The following CSNK1A1 variants were observed in gnomAD, a reference collection of about 807,000 sequenced individuals.
CSNK1A1 encodes the protein casein kinase 1 alpha 1.
In CSNK1A1, 7 loss-of-function variants were observed where a neutral mutation model predicts 46.1. The ratio of observed to expected loss-of-function variants is 0.15; its 90% CI spans 0.09 to 0.29. The LOEUF (loss-of-function observed/expected upper bound fraction) is 0.29, where lower values mean the gene tolerates loss of function less well. CSNK1A1 is among the 10% of genes least tolerant of loss of function. The probability of loss-of-function intolerance (pLI) is 1.00; values close to 1 mark genes in which losing one functional copy is unlikely to be tolerated. For synonymous variants in CSNK1A1, 137 were observed against 141.5 expected, an observed-to-expected ratio of 0.97 and a Z score of 0.23; for missense variants, 96 against 417.1, an observed-to-expected ratio of 0.23 and a Z score of 6.71.
intron 2 of CSNK1A1, among the ~76,000 whole-genome samples, chr5:149,542,147 A>C (rs527402698): frequency 1.3e-5 from 2 of 152,016 alleles, no homozygotes; most frequent in Admixed American, 6.6e-5. Flanking sequence ...CTGTCAGATC[A>C]ACAGAATTAG....
At chr5:149,512,116 A>C (rs889084696) in intron 5 of CSNK1A1, among the ~76,000 whole-genome samples, 1 of 152,118 alleles carries the variant, frequency 6.6e-6, no homozygotes, top group Non-Finnish European at 1.5e-5. Flanking sequence ...TTTTAAAAGA[A>C]CAGAAACGAT....
chr5:149,534,755 C>A (rs1211299495), intron 2 of CSNK1A1, among the ~76,000 whole-genome samples: 1 of 151,166 alleles, frequency 6.6e-6, no homozygotes. Flanking sequence ...CAACAAAGAC[C>A]CCGGTCTCTC....
chr5:149,542,692 A>ATATAT (rs1762340035), intron 2 of CSNK1A1, among the ~76,000 whole-genome samples: 1 of 16,188 alleles, frequency 6.2e-5, no homozygotes, highest in Admixed American at 1.3e-3. Flanking sequence ...ATATATATAT[A>ATATAT]TTTTTTTTTT....
intron 2 of CSNK1A1, among the ~76,000 whole-genome samples, chr5:149,527,316 C>T (rs543311370): frequency 2.6e-5 from 4 of 152,002 alleles, no homozygotes; most frequent in African/African-American, 7.2e-5. Context: ...TTAGTAGTGA[C>T]GGCGTTTCAC....
At chr5:149,497,029 A>C (rs1760674471) in intron 9 of CSNK1A1, 169 bp from the exon 10 acceptor site, 4 of 1,426,982 alleles carry the variant, frequency 2.8e-6, no homozygotes, top group Non-Finnish European at 2.7e-6. Context: ...AAAAACATGA[A>C]TCTATACTTA....
intron 2 of CSNK1A1, among the ~76,000 whole-genome samples, chr5:149,529,879 C>A (rs1313565241): frequency 1.3e-5 from 2 of 151,710 alleles, no homozygotes; most frequent in African/African-American, 4.9e-5. Flanking sequence ...ATACTATAGC[C>A]GGAGATTTCA....
At chr5:149,534,567 G>T (rs1346279185) in intron 2 of CSNK1A1, among the ~76,000 whole-genome samples, 1 of 149,196 alleles carries the variant, frequency 6.7e-6, no homozygotes, top group Admixed American at 6.7e-5. Context: ...CTGGATTATT[G>T]TATTAGCTTC....
intron 4 of CSNK1A1, among the ~76,000 whole-genome samples, chr5:149,515,534 T>C (rs1299559360): frequency 6.6e-6 from 1 of 152,176 alleles, no homozygotes. Context: ...TGAAATGTTC[T>C]CCTCTTATAA....
At position 149,496,707 on chromosome 5, in the gene CSNK1A1, T is replaced by C; in HGVS notation, c.*146A>G. The C allele has an allele frequency of 9.1e-7, 1 of 1,103,122 alleles. No individual in the cohort carries two copies. Among genetic ancestry groups the C allele is most frequent in the Non-Finnish European group, 1.3e-6 (1 of 792,828 alleles). 68.3% of individuals were successfully genotyped at this position (1,103,122 alleles called of 1,614,324 possible). A position where few individuals can be genotyped will look rare whatever the true frequency, so the allele number is the denominator to read the frequency against. On this transcript the variant is annotated 3_prime_UTR_variant, in exon 10 of 10. Coordinates refer to ENST00000377843, the MANE Select transcript of CSNK1A1 (RefSeq NM_001892.6). ...TCACCAATGCTGCCCAGAGTCAGTT[T>C]ATACTGAAATTAAGTTCTTTACACC...
chr5:149,503,610 C>T (rs1035248629), intron 9 of CSNK1A1: 1 of 985,032 alleles, frequency 1.0e-6, no homozygotes, highest in Non-Finnish European at 1.2e-6. Context: ...AAAATAGCTA[C>T]AATACAAAAT....
chr5:149,507,846 C>G (rs1189872749), intron 7 of CSNK1A1, among the ~76,000 whole-genome samples: 5 of 152,100 alleles, frequency 3.3e-5, no homozygotes, highest in Admixed American at 3.3e-4. Flanking sequence ...TATAATTGAA[C>G]ATTTGGATGT....
intron 2 of CSNK1A1, among the ~76,000 whole-genome samples, chr5:149,549,756 T>G (rs1042685767): frequency 2.0e-5 from 3 of 152,114 alleles, no homozygotes; most frequent in Non-Finnish European, 2.9e-5. Flanking sequence ...ACATCAGAAG[T>G]GCCGCCGTAA....
chr5:149,544,737 T>TCA lies in CSNK1A1; in HGVS notation c.230+5337_230+5338insTG, dbSNP rs1554118044. Among the ~76,000 whole-genome samples the TCA allele has an allele frequency of 3.7e-5, 3 of 80,806 alleles. 1 individual carries two copies. The highest frequency in any genetic ancestry group is 2.0e-4 in the African/African-American group (3 of 15,332). The allele number at this position is 80,806 out of a possible 152,430, so 53.0% of individuals were successfully genotyped here. A position where few individuals can be genotyped will look rare whatever the true frequency, so the allele number is the denominator to read the frequency against. On this transcript the variant is annotated intron_variant, in intron 2 of 9. Transcript: ENST00000377843. ...GTGAGGATGATGAGGGTAAAGAGCT[T>TCA]TATATATATATATATATATATATAT...
intron 2 of CSNK1A1, among the ~76,000 whole-genome samples, chr5:149,547,547 T>C (rs1301097160): frequency 6.6e-6 from 1 of 152,194 alleles, no homozygotes; most frequent in Non-Finnish European, 1.5e-5. Flanking sequence ...AAACATTATG[T>C]TAAGTGAAAA....
At chr5:149,498,172 G>A in intron 9 of CSNK1A1, 1 of 985,228 alleles carries the variant, frequency 1.0e-6, no homozygotes, top group South Asian at 4.7e-5. Context: ...TCTCCCATGG[G>A]CTTTGTGGGA....
At chr5:149,510,755 T>C (rs1035253130) in intron 6 of CSNK1A1, among the ~76,000 whole-genome samples, 2 of 152,104 alleles carry the variant, frequency 1.3e-5, no homozygotes, top group African/African-American at 2.4e-5. Context: ...TTGAAGATTA[T>C]AGGCATGAGC....
In CSNK1A1 at chr5:149,551,150, G is replaced by T; in HGVS notation, c.-186C>A. ...GAACCTGATCACCGCCGCTCAGTCA[G>T]GTTTCTTTTTGCCAGGCCGCAGTTT... On this transcript the variant is annotated 5_prime_UTR_variant, in exon 1 of 10. The change creates a new upstream start codon in the 5' untranslated region. Transcript: ENST00000377843. 1.9e-6 allele frequency: 1 copy of T among 523,446 alleles called. No individual in the cohort carries two copies. 32.4% of individuals were successfully genotyped at this position (523,446 alleles called of 1,614,324 possible). A position where few individuals can be genotyped will look rare whatever the true frequency, so the allele number is the denominator to read the frequency against.
At chr5:149,527,498 TTA>T (rs1202069850) in intron 2 of CSNK1A1, among the ~76,000 whole-genome samples, 11 of 152,296 alleles carry the variant, frequency 7.2e-5, no homozygotes, top group African/African-American at 2.6e-4. Flanking sequence ...CTTCCACTCT[TTA>T]TTCTCCCTAT....
At chr5:149,500,932 A>T in intron 9 of CSNK1A1, 2 of 979,790 alleles carry the variant, frequency 2.0e-6, no homozygotes, top group Non-Finnish European at 2.4e-6. Flanking sequence ...AACTGCATTA[A>T]AAAACAGACT....
Sources: gnomAD v4.1 joint callset for allele counts (sites outside exome capture counted in the v4.1 genomes callset) on GRCh38, gnomAD v4.1.1 for gene constraint, MANE v1.5 for transcripts, NCBI Gene and HGNC (gene_info 2026-07-23, HGNC 2026-07-21) for gene names.